The following PSME4 variants were observed in gnomAD, a reference collection of about 807,000 sequenced individuals.
PSME4 encodes the protein proteasome activator subunit 4.
Under a neutral mutation model 253.9 loss-of-function variants are expected in PSME4, and 89 were observed. That is an observed-to-expected ratio of 0.35 (90% confidence interval 0.30 to 0.42). The LOEUF (loss-of-function observed/expected upper bound fraction) is 0.42, where lower values mean the gene tolerates loss of function less well. Among genes scored for constraint, PSME4 ranks in the 10% least tolerant of loss-of-function variants. The probability of loss-of-function intolerance (pLI) is 1.00; values close to 1 mark genes in which losing one functional copy is unlikely to be tolerated. For missense variants in PSME4, 2,014 were observed against 2,195.2 expected (o/e 0.92, Z 1.65); for synonymous variants, 851 against 759.2 (o/e 1.12, Z -1.99).
chr2:53,895,594 G>A lies in PSME4; in HGVS notation c.3831C>T (p.Tyr1277=), dbSNP rs1680103586. 6.2e-7 allele frequency: 1 copy of A among 1,611,860 alleles called. No individual in the cohort carries two copies. The highest frequency in any genetic ancestry group is 8.5e-7 in the Non-Finnish European group (1 of 1,179,052). ...AGTAAGTTACTTACTTTGGCCAGGT[G>A]TAGTATCCCCAGTGAGTTTTTTCCA... ...CFVEKTHWGY[Y]TWPKNMVVYA... Residue 1277 remains tyrosine, a synonymous_variant, in exon 33 of 47, where the codon TAC becomes TAT. Transcript: ENST00000404125.
chr2:53,905,798 CAG>C (rs1553410633), intron 26 of PSME4, among the ~76,000 whole-genome samples: 1 of 152,082 alleles, frequency 6.6e-6, no homozygotes, highest in Non-Finnish European at 1.5e-5. Context: ...GCCTGGGTAA[CAG>C]AGAGAGACCT....
intron 20 of PSME4, among the ~76,000 whole-genome samples, 173 bp from the exon 21 acceptor site, chr2:53,910,303 T>C (rs1482262239): frequency 2.0e-5 from 3 of 152,338 alleles, no homozygotes; most frequent in Admixed American, 2.0e-4. Flanking sequence ...AGATGAATGC[T>C]GTTTCAGTAA....
At chr2:53,946,149 T>G (rs900370682) in intron 3 of PSME4, among the ~76,000 whole-genome samples, 1 of 152,308 alleles carries the variant, frequency 6.6e-6, no homozygotes, top group Admixed American at 6.5e-5. Flanking sequence ...CATAGATACT[T>G]ATTAATGACC....
chr2:53,967,063 C>T (rs558269733), intron 1 of PSME4, among the ~76,000 whole-genome samples: 75 of 152,318 alleles, frequency 4.9e-4, no homozygotes, highest in South Asian at 1.0e-3. Context: ...CAATATTTCA[C>T]TCACAGTGTC....
intron 14 of PSME4, among the ~76,000 whole-genome samples, chr2:53,923,739 A>G (rs529104115): frequency 3.3e-5 from 5 of 152,052 alleles, no homozygotes; most frequent in South Asian, 2.1e-4. Flanking sequence ...CCTGGCCAAC[A>G]TGGCGAAACC....
chr2:53,937,599 A>C (rs1436375653), intron 4 of PSME4, 59 bp from the exon 5 acceptor site: 1 of 1,518,516 alleles, frequency 6.6e-7, no homozygotes, highest in Non-Finnish European at 9.1e-7. Context: ...CTACAACAGC[A>C]ATATATATAA....
At chr2:53,909,311 T>C (rs1306641881) in intron 21 of PSME4, among the ~76,000 whole-genome samples, 5 of 152,190 alleles carry the variant, frequency 3.3e-5, no homozygotes, top group African/African-American at 1.2e-4. Context: ...GGGTGCTAAA[T>C]TTCTATTAGA....
rs552724663 is a variant in PSME4, at chr2:53,948,277, G to T, written c.500+144C>A. 6.1e-6 allele frequency: 4 copies of T among 656,234 alleles called. 1 individual carries two copies. In the South Asian group the frequency reaches 7.4e-5, roughly 12 times the overall value. The allele number at this position is 656,234 out of a possible 1,614,324, so 40.7% of individuals were successfully genotyped here. A position where few individuals can be genotyped will look rare whatever the true frequency, so the allele number is the denominator to read the frequency against. ...TACAGTTTATAGAGGGCAATGAATTGTTTCAGGAGTCAAATTACACAGAAA... is the reference window on the plus strand; with the variant it reads ...TACAGTTTATAGAGGGCAATGAATTTTTTCAGGAGTCAAATTACACAGAAA... On this transcript the variant is annotated intron_variant, in intron 3 of 46. Coordinates refer to ENST00000404125, the MANE Select transcript of PSME4 (RefSeq NM_014614.3).
intron 1 of PSME4, among the ~76,000 whole-genome samples, chr2:53,964,906 T>C (rs1670645092): frequency 6.6e-6 from 1 of 152,202 alleles, no homozygotes; most frequent in Non-Finnish European, 1.5e-5. Flanking sequence ...ATAAAACAAC[T>C]GTACTTTCAA....
chr2:53,895,635 C>T lies in PSME4; in HGVS notation c.3790G>A (p.Glu1264Lys). 6.2e-7 allele frequency: 1 copy of T among 1,613,572 alleles called. No individual in the cohort carries two copies. Among genetic ancestry groups the T allele is most frequent in the Non-Finnish European group, 8.5e-7 (1 of 1,179,834 alleles). Residue 1264 changes from glutamate to lysine, a missense_variant, in exon 33 of 47, where the codon GAG becomes AAG. Physicochemically the swap from Glu to Lys is moderately conservative, Grantham distance 56. Coordinates refer to ENST00000404125, the MANE Select transcript of PSME4 (RefSeq NM_014614.3). ...GTTTTTTCCACAAAGCAACTTGACT[C>T]CCATTCTTTTTTAGTTCTTGGTATA... is the stretch of plus-strand genomic sequence containing the variant. ...KTIPRTKKEW[E>K]SSCFVEKTHW...
At chr2:53,890,077 G>A in intron 37 of PSME4, 27 bp downstream of exon 37, 5 of 1,522,926 alleles carry the variant, frequency 3.3e-6, no homozygotes, top group East Asian at 2.2e-5. Flanking sequence ...AGATCAGTTA[G>A]ACAAAGAAAG....
rs935937472 is a variant in PSME4 at position 53,933,000 on chromosome 2, A to G, written c.958-240T>C. ...CTTGAACCAACATAAAAAACTAAAA[A>G]AATACCTGTCAACTTAGGATAACAA... On this transcript the variant is annotated intron_variant, in intron 8 of 46. Coordinates refer to ENST00000404125, the MANE Select transcript of PSME4 (RefSeq NM_014614.3). The G allele has an allele frequency of 1.4e-5, 6 of 441,528 alleles. No homozygotes were observed. In the Admixed American group the frequency reaches 2.1e-4, roughly 16 times the overall value. The allele number at this position is 441,528 out of a possible 1,614,324, so 27.4% of individuals were successfully genotyped here.
At chr2:53,953,522 A>G (rs1202454185) in intron 1 of PSME4, among the ~76,000 whole-genome samples, 3 of 149,520 alleles carry the variant, frequency 2.0e-5, no homozygotes, top group Non-Finnish European at 4.4e-5. Context: ...AAGAAGAACT[A>G]TGCAGGGTAA....
At position 53,874,351 on chromosome 2, in the gene PSME4, G is replaced by C. The variant is rs367885531; in HGVS notation, c.5088C>G (p.Asp1696Glu). Reference protein sequence around the residue: ...IRWLVISLLEDEQLEVREMAA... With the variant: ...IRWLVISLLEEEQLEVREMAA... ...ACTTAAATTTTACCTCCAGTTGTTC[G>C]TCCTCCAAAAGACTTATAACCAGCC... is the stretch of plus-strand genomic sequence containing the variant. The change falls in exon 43 of 47, where the codon GAC becomes GAG. Residue 1696 changes from aspartate (D) to glutamate (E), a missense_variant. Around this residue, in one of 4 missense-constraint regions of PSME4, gnomAD observed 403 missense variants for 556.1 expected, o/e 0.72. Transcript: ENST00000404125. 5 of 1,609,136 alleles carry C rather than the reference G, an allele frequency of 3.1e-6. No individual in the cohort carries two copies. The highest frequency in any genetic ancestry group is 4.2e-6 in the Non-Finnish European group (5 of 1,178,792).
In PSME4 at chr2:53,931,781, G is replaced by A. The variant is rs567480625; in HGVS notation, c.1316+54C>T. 31 of 1,583,122 alleles carry A rather than the reference G, an allele frequency of 2.0e-5. No homozygotes were observed. The East Asian group carries it at 6.7e-4, about 34-fold the overall frequency. On this transcript the variant is annotated intron_variant, in intron 10 of 46. Coordinates refer to ENST00000404125, the MANE Select transcript of PSME4 (RefSeq NM_014614.3). The stretch of plus-strand genomic sequence containing the variant: ...ACAGAGGAGAAAAGAGAATCGAGCT[G>A]AACAGACCAAAAGAAAAACCTAGCT...
chr2:53,925,596 T>G lies in PSME4; in HGVS notation c.1752A>C (p.Leu584Phe). ...TTGTACTAAACGTAGAAGACAGACC[T>G]AATTCGACCAAACTCTCCAAGTGTG... ...KMTHLESLVE[L>F]GLSSTFSTIL... The change falls in exon 14 of 47, where the codon TTA (leucine) becomes TTC (phenylalanine). Residue 584 changes from leucine to phenylalanine, a missense_variant. Transcript: ENST00000404125. 1 of 1,610,190 alleles carries G rather than the reference T, an allele frequency of 6.2e-7. No individual in the cohort carries two copies. The highest frequency in any genetic ancestry group is 1.3e-5 in the African/African-American group (1 of 75,028).
At chr2:53,930,014 T>C (rs1484500132) in intron 10 of PSME4, among the ~76,000 whole-genome samples, 1 of 151,738 alleles carries the variant, frequency 6.6e-6, no homozygotes. Context: ...CAAGAGTCTG[T>C]CTCTAAATAA....
intron 31 of PSME4, among the ~76,000 whole-genome samples, chr2:53,897,444 C>T (rs1249591505): frequency 6.6e-6 from 1 of 152,152 alleles, no homozygotes; most frequent in Non-Finnish European, 1.5e-5. Context: ...GCTGGGATTA[C>T]AGGCATGAGC....
Position 53,896,894 on chromosome 2 carries a change from G to C in PSME4, c.3607-9C>G. ...ACAGCTGAGATAGCCATCTAGAAAA[G>C]GAAAAAGGTACACATTCATAAAAAA... On this transcript the variant is annotated splice_polypyrimidine_tract_variant and intron_variant, in intron 31 of 46. Transcript: ENST00000404125. 1 of 1,597,264 alleles carries C rather than the reference G, an allele frequency of 6.3e-7. No homozygotes were observed. The highest frequency in any genetic ancestry group is 2.2e-5 in the East Asian group (1 of 44,716).
Sources: gnomAD v4.1 joint callset for allele counts (sites outside exome capture counted in the v4.1 genomes callset) on GRCh38, gnomAD v4.1.1 for gene constraint, gnomAD v4.1.1 regional missense constraint, MANE v1.5 for transcripts, NCBI Gene and HGNC (gene_info 2026-07-23, HGNC 2026-07-21) for gene names.